Variants in HYCC2 observed in about 807,000 individuals in gnomAD.
HYCC2 encodes hyccin PI4KA lipid kinase complex subunit 2, also known as hyccin 2.
At chr2:200,989,733 G>A in the HYCC2 span, among the ~76,000 whole-genome samples, 1 of 152,248 alleles carries the variant, frequency 6.6e-6, no homozygotes, top group East Asian at 1.9e-4. Flanking sequence ...AGGACCACTT[G>A]AGCCCGGAAG....
the HYCC2 span, among the ~76,000 whole-genome samples, chr2:201,029,328 G>A: frequency 6.6e-6 from 1 of 152,158 alleles, no homozygotes; most frequent in Non-Finnish European, 1.5e-5. Context: ...TACATTATTG[G>A]TGGGAGTGTA....
At chr2:201,029,949 T>C in the HYCC2 span, among the ~76,000 whole-genome samples, 1 of 152,094 alleles carries the variant, frequency 6.6e-6, no homozygotes, top group African/African-American at 2.4e-5. Flanking sequence ...TAGCTGGATA[T>C]AGTCATGCAC....
the HYCC2 span, among the ~76,000 whole-genome samples, chr2:200,987,144 G>A: frequency 6.6e-6 from 1 of 152,292 alleles, no homozygotes; most frequent in African/African-American, 2.4e-5. Flanking sequence ...TGATTACACA[G>A]GGATGCAGAC....
chr2:200,977,174 T>C, the HYCC2 span: 7 of 152,338 alleles, frequency 4.6e-5, no homozygotes, highest in South Asian at 1.4e-3. Context: ...TCTACATTTT[T>C]TCTGGATTTA....
chr2:200,997,803 C>T, the HYCC2 span, among the ~76,000 whole-genome samples: 5 of 152,112 alleles, frequency 3.3e-5, no homozygotes, highest in South Asian at 2.1e-4. Context: ...TTTGGGAGGC[C>T]GAAGTGGGTG....
At chr2:201,035,383 G>C in the HYCC2 span, among the ~76,000 whole-genome samples, 2 of 152,036 alleles carry the variant, frequency 1.3e-5, no homozygotes, top group African/African-American at 2.4e-5. Context: ...CTTTCTTCCA[G>C]TTGATTGAAT....
At chr2:201,020,957 CGGGGTTTCATCATGTT>C in the HYCC2 span, among the ~76,000 whole-genome samples, 1 of 152,024 alleles carries the variant, frequency 6.6e-6, no homozygotes, top group South Asian at 2.1e-4. Context: ...TTAGTAGAGA[CGGGGTTTCATCATGTT>C]GGCCAGGATG....
the HYCC2 span, chr2:200,981,484 A>T: frequency 6.2e-7 from 1 of 1,614,182 alleles, no homozygotes. The surrounding 1 kb of genome is among the most constrained non-coding windows in gnomAD (Gnocchi z 4.5). Context: ...ACTGCCATTT[A>T]CATAGTCAAA....
At chr2:200,987,672 ATGCTGTG>A in the HYCC2 span, 14 of 540,446 alleles carry the variant, frequency 2.6e-5, no homozygotes, top group Non-Finnish European at 3.7e-5. Flanking sequence ...ATGTGTGTGC[ATGCTGTG>A]CACACACATA....
chr2:201,068,563 G>A, the HYCC2 span, among the ~76,000 whole-genome samples: 2 of 152,138 alleles, frequency 1.3e-5, no homozygotes, highest in Non-Finnish European at 2.9e-5. Flanking sequence ...AATTCTGAAG[G>A]GAAGTGGAGA....
chr2:201,055,779 T>C, the HYCC2 span, among the ~76,000 whole-genome samples: 1 of 152,184 alleles, frequency 6.6e-6, no homozygotes, highest in Non-Finnish European at 1.5e-5. Flanking sequence ...AGAAGCACAA[T>C]GCTGGGAGCA....
chr2:201,032,269 T>C, the HYCC2 span, among the ~76,000 whole-genome samples: 1 of 152,188 alleles, frequency 6.6e-6, no homozygotes, highest in Non-Finnish European at 1.5e-5. Context: ...GCCTATTTAC[T>C]GTCATTTTAT....
chr2:201,005,952 G>T, the HYCC2 span, among the ~76,000 whole-genome samples: 1 of 152,012 alleles, frequency 6.6e-6, no homozygotes, highest in Non-Finnish European at 1.5e-5. Flanking sequence ...TCCTGTCTCA[G>T]CCTCCTGAGT....
chr2:200,984,383 G>T, the HYCC2 span, among the ~76,000 whole-genome samples: 1 of 152,152 alleles, frequency 6.6e-6, no homozygotes, highest in East Asian at 1.9e-4. Flanking sequence ...GTCATAAATA[G>T]AATGTACTTG....
At chr2:201,036,120 CACAA>C in the HYCC2 span, among the ~76,000 whole-genome samples, 1 of 152,160 alleles carries the variant, frequency 6.6e-6, no homozygotes, top group African/African-American at 2.4e-5. Flanking sequence ...AACACCTCTA[CACAA>C]ACAAACTAGA....
At chr2:200,988,356 T>C in the HYCC2 span, 1 of 1,613,844 alleles carries the variant, frequency 6.2e-7, no homozygotes. Flanking sequence ...CTTTAAGGAC[T>C]TTCTGGCCTT....
At chr2:201,069,086 T>C in the HYCC2 span, among the ~76,000 whole-genome samples, 1 of 152,214 alleles carries the variant, frequency 6.6e-6, no homozygotes. Context: ...ATTTTATCAG[T>C]TTTTCACTAT....
At chr2:200,978,876 A>T in the HYCC2 span, 2 of 152,142 alleles carry the variant, frequency 1.3e-5, no homozygotes, top group Non-Finnish European at 2.9e-5. Context: ...GTGATTTGGT[A>T]TTATGTGGTA....
the HYCC2 span, among the ~76,000 whole-genome samples, chr2:201,017,746 T>A: frequency 6.6e-6 from 1 of 152,224 alleles, no homozygotes; most frequent in African/African-American, 2.4e-5. Flanking sequence ...GAATCCTATG[T>A]AAATCATTTG....
Sources: gnomAD v4.1 joint callset for allele counts (sites outside exome capture counted in the v4.1 genomes callset) on GRCh38, gnomAD v4.1.1 for gene constraint, Gnocchi (gnomAD v3.1) non-coding constraint, MANE v1.5 for transcripts, NCBI Gene and HGNC (gene_info 2026-07-23, HGNC 2026-07-21) for gene names.